The following CENPW variants were observed in gnomAD, a reference collection of about 807,000 sequenced individuals.
CENPW encodes cancer-up-regulated gene 2 protein.
Under a neutral mutation model 11.1 loss-of-function variants are expected in CENPW, and 3 were observed. The ratio of observed to expected loss-of-function variants is 0.27; its 90% confidence interval spans 0.12 to 0.70. The LOEUF is 0.70. Among genes scored for constraint, CENPW ranks in the 30% least tolerant of loss-of-function variants. The pLI is 0.77. For missense variants in CENPW, 100 were observed against 105.6 expected (o/e 0.95, Z 0.23); for synonymous variants, 38 against 42.0 (o/e 0.91, Z 0.37).
the CENPW span, among the ~76,000 whole-genome samples, chr6:126,450,146 T>G: frequency 6.6e-6 from 1 of 151,176 alleles, no homozygotes; most frequent in African/African-American, 2.4e-5. Flanking sequence ...AGTTCTGCTT[T>G]TATTTGTTTT....
At chr6:126,464,875 C>T in the CENPW span, among the ~76,000 whole-genome samples, 1 of 152,150 alleles carries the variant, frequency 6.6e-6, no homozygotes, top group Non-Finnish European at 1.5e-5. Context: ...CCCTGACTAA[C>T]ACAGGCACCT....
chr6:126,456,235 T>A, the CENPW span, among the ~76,000 whole-genome samples: 2 of 151,372 alleles, frequency 1.3e-5, no homozygotes, highest in Non-Finnish European at 3.0e-5. Flanking sequence ...AAAAAGAGCT[T>A]GAATAGCCAA....
At chr6:126,371,272 ATT>A in the CENPW span, among the ~76,000 whole-genome samples, 1 of 151,984 alleles carries the variant, frequency 6.6e-6, no homozygotes, top group Admixed American at 6.5e-5. Context: ...TTCTATGGTG[ATT>A]TTACTGAGGG....
chr6:126,368,933 C>A, the CENPW span, among the ~76,000 whole-genome samples: 3 of 152,034 alleles, frequency 2.0e-5, no homozygotes, highest in Non-Finnish European at 4.4e-5. Flanking sequence ...TTTTATCCCT[C>A]ACCCTCCTCC....
chr6:126,358,384 A>C, the CENPW span, among the ~76,000 whole-genome samples: 1 of 152,138 alleles, frequency 6.6e-6, no homozygotes, highest in African/African-American at 2.4e-5. Flanking sequence ...TGCTCCTTAG[A>C]TGGACTAGTC....
chr6:126,342,145 G>A (rs918933051), intron 1 of CENPW, among the ~76,000 whole-genome samples: 3 of 152,124 alleles, frequency 2.0e-5, no homozygotes, highest in South Asian at 4.1e-4. Flanking sequence ...TTAGCAAAAA[G>A]TTCAATGAAT....
At chr6:126,443,161 A>G in the CENPW span, among the ~76,000 whole-genome samples, 1 of 151,248 alleles carries the variant, frequency 6.6e-6, no homozygotes, top group Non-Finnish European at 1.5e-5. Flanking sequence ...TTGCTTCATA[A>G]ATTTTTTTAA....
the CENPW span, among the ~76,000 whole-genome samples, chr6:126,417,632 T>G: frequency 6.6e-6 from 1 of 152,122 alleles, no homozygotes; most frequent in Non-Finnish European, 1.5e-5. Context: ...AAGCAGAGTT[T>G]CCCTGCACAA....
the CENPW span, among the ~76,000 whole-genome samples, chr6:126,481,763 T>G: frequency 6.6e-6 from 1 of 152,136 alleles, no homozygotes; most frequent in Non-Finnish European, 1.5e-5. Context: ...TCCAAGTGAA[T>G]GTACCCATTT....
the CENPW span, among the ~76,000 whole-genome samples, chr6:126,375,453 C>G: frequency 6.6e-6 from 1 of 152,132 alleles, no homozygotes; most frequent in African/African-American, 2.4e-5. Context: ...AGAAAGATGA[C>G]AAGACACTAT....
intron 1 of CENPW, 59 bp from the exon 2 acceptor site, chr6:126,346,146 A>G (rs932549540): frequency 2.3e-6 from 2 of 858,798 alleles, no homozygotes; most frequent in Non-Finnish European, 3.7e-6. Context: ...TTTTAAAAAT[A>G]TTATTTCAAT....
At chr6:126,346,682 T>C (rs1780417143) in intron 2 of CENPW, among the ~76,000 whole-genome samples, 1 of 152,112 alleles carries the variant, frequency 6.6e-6, no homozygotes, top group African/African-American at 2.4e-5. Flanking sequence ...TATAAAGAAA[T>C]ACCCAAGACT....
the CENPW span, among the ~76,000 whole-genome samples, chr6:126,381,306 C>T: frequency 5.3e-5 from 8 of 152,122 alleles, no homozygotes; most frequent in Non-Finnish European, 1.0e-4. Flanking sequence ...AGCAGTATCA[C>T]CCTTATTACT....
the CENPW span, among the ~76,000 whole-genome samples, chr6:126,384,028 G>A: frequency 6.6e-6 from 1 of 152,090 alleles, no homozygotes; most frequent in African/African-American, 2.4e-5. Flanking sequence ...AAATGCAGAA[G>A]AACTGAGGTC....
At chr6:126,420,297 T>G in the CENPW span, among the ~76,000 whole-genome samples, 1,084 of 151,958 alleles carry the variant, frequency 7.1e-3, 13 homozygotes, top group African/African-American at 0.024. Flanking sequence ...ATGGGAGAGA[T>G]AGGGTGGAGT....
At chr6:126,458,782 A>T in the CENPW span, among the ~76,000 whole-genome samples, 2 of 151,478 alleles carry the variant, frequency 1.3e-5, no homozygotes, top group African/African-American at 4.8e-5. Flanking sequence ...GTAGTAATGT[A>T]GTTTTTGAAG....
At chr6:126,343,327 T>C (rs1293836970) in intron 1 of CENPW, among the ~76,000 whole-genome samples, 2 of 152,316 alleles carry the variant, frequency 1.3e-5, no homozygotes, top group Admixed American at 1.3e-4. Context: ...ATGACATAAA[T>C]GTAGGTTGCT....
chr6:126,385,040 AAATC>A, the CENPW span, among the ~76,000 whole-genome samples: 1 of 152,186 alleles, frequency 6.6e-6, no homozygotes, highest in Non-Finnish European at 1.5e-5. Flanking sequence ...AGAGAAAAGT[AAATC>A]AAAACCACCA....
chr6:126,415,741 C>A, the CENPW span, among the ~76,000 whole-genome samples: 1 of 152,172 alleles, frequency 6.6e-6, no homozygotes, highest in Admixed American at 6.6e-5. Context: ...ACGCTCTATT[C>A]TCTTGTGTGC....
Sources: gnomAD v4.1 joint callset for allele counts (sites outside exome capture counted in the v4.1 genomes callset) on GRCh38, gnomAD v4.1.1 for gene constraint, MANE v1.5 for transcripts, NCBI Gene and HGNC (gene_info 2026-07-23, HGNC 2026-07-21) for gene names.